The following CEP152 variants were observed in gnomAD, a reference collection of about 807,000 sequenced individuals.
CEP152 encodes the protein centrosomal protein 152.
Under a neutral mutation model 188.9 loss-of-function variants are expected in CEP152, and 132 were observed. The observed-to-expected ratio is 0.70, with a 90% CI of 0.61 to 0.81. The LOEUF (loss-of-function observed/expected upper bound fraction) is 0.81, where lower values mean the gene tolerates loss of function less well. CEP152 is among the 30% of genes least tolerant of loss of function. CEP152 has a pLI of 0.00. For synonymous variants in CEP152, 649 were observed against 666.6 expected (o/e 0.97, Z 0.41); for missense variants, 1,914 against 1,969.8 (o/e 0.97, Z 0.54).
chr15:48,778,408 A>T (rs1389556698), intron 12 of CEP152, among the ~76,000 whole-genome samples: 1 of 152,188 alleles, frequency 6.6e-6, no homozygotes, highest in East Asian at 1.9e-4. Flanking sequence ...ATTTGATCTG[A>T]GTATAATAGC....
chr15:48,733,601 T>C (rs1211496155), downstream of CEP152, among the ~76,000 whole-genome samples: 1 of 151,994 alleles, frequency 6.6e-6, no homozygotes, highest in South Asian at 2.1e-4. Flanking sequence ...AAAAAAATAA[T>C]TGAAGAAATA....
At chr15:48,741,322 A>G (rs1291476301) in intron 26 of CEP152, 1 of 1,216,598 alleles carries the variant, frequency 8.2e-7, no homozygotes, top group African/African-American at 1.6e-5. Flanking sequence ...ACCCACTTAT[A>G]ATTTCTTCTT....
At chr15:48,793,499 C>A in intron 6 of CEP152, 38 bp from the exon 7 acceptor site, 1 of 1,569,472 alleles carries the variant, frequency 6.4e-7, no homozygotes, top group South Asian at 1.1e-5. Flanking sequence ...AAAAACATAC[C>A]AAAATATAAA....
chr15:48,798,248 T>C (rs1897447331), intron 2 of CEP152, among the ~76,000 whole-genome samples, 197 bp from the exon 3 acceptor site: 1 of 149,344 alleles, frequency 6.7e-6, no homozygotes, highest in Non-Finnish European at 1.5e-5. Context: ...ATTTTAGGAT[T>C]TATATCAGAA....
intron 17 of CEP152, among the ~76,000 whole-genome samples, chr15:48,765,435 A>C (rs1264408464): frequency 1.3e-5 from 2 of 151,640 alleles, no homozygotes; most frequent in African/African-American, 4.8e-5. Flanking sequence ...TTTTTTTTGA[A>C]GGATCAAATA....
chr15:48,739,045 C>G lies in CEP152; in HGVS notation c.4337G>C (p.Gly1446Ala). ...SKETHLEFQF[G>A]DGSCKHLNSL... ...GTTTAGGTGCTTGCAACTACCATCC[C>G]CAAACTGGAATTCCAAATGTGTCTC... Residue 1446 changes from glycine (G) to alanine (A), a missense_variant, in exon 27 of 27, where the codon GGG becomes GCG. Gly to Ala is a moderately conservative substitution (Grantham distance 60). Transcript: ENST00000380950. The G allele has an allele frequency of 6.2e-7, 1 of 1,614,136 alleles. No individual in the cohort carries two copies. Among genetic ancestry groups the G allele is most frequent in the Non-Finnish European group, 8.5e-7 (1 of 1,180,010 alleles).
intron 13 of CEP152, among the ~76,000 whole-genome samples, chr15:48,770,446 G>C (rs1439346590): frequency 2.0e-5 from 3 of 152,138 alleles, no homozygotes; most frequent in Non-Finnish European, 4.4e-5. Flanking sequence ...TACAATGCAT[G>C]ACCACTATCT....
At chr15:48,759,215 G>T (rs1894499573) in intron 19 of CEP152, among the ~76,000 whole-genome samples, 1 of 152,028 alleles carries the variant, frequency 6.6e-6, no homozygotes, top group Admixed American at 6.6e-5. Context: ...CCTCAAAACT[G>T]AGTTGTTATT....
intron 8 of CEP152, among the ~76,000 whole-genome samples, chr15:48,789,812 C>T (rs1361427911): frequency 2.0e-5 from 3 of 152,200 alleles, no homozygotes; most frequent in African/African-American, 7.2e-5. Flanking sequence ...TCCCCTAAAG[C>T]CTCCGGAAAG....
intron 18 of CEP152, among the ~76,000 whole-genome samples, 198 bp from the exon 19 acceptor site, chr15:48,760,464 A>G (rs1894600738): frequency 6.6e-6 from 1 of 152,212 alleles, no homozygotes; most frequent in South Asian, 2.1e-4. Context: ...AGCATCCCAT[A>G]CAAATGCAAC....
At chr15:48,785,267 G>GTGAAT (rs1324518331) in intron 9 of CEP152, among the ~76,000 whole-genome samples, 1 of 152,126 alleles carries the variant, frequency 6.6e-6, no homozygotes, top group Admixed American at 6.6e-5. Context: ...AAAAATCCAT[G>GTGAAT]TGAATTTTGT....
intron 21 of CEP152, among the ~76,000 whole-genome samples, chr15:48,748,894 G>C (rs1268763321): frequency 1.3e-5 from 2 of 151,996 alleles, no homozygotes; most frequent in Non-Finnish European, 2.9e-5. Context: ...CTGGATCTTG[G>C]TATTGAATAC....
chr15:48,742,194 A>T (rs1382259581), intron 24 of CEP152, 94 bp from the exon 25 acceptor site: 1 of 1,108,102 alleles, frequency 9.0e-7, no homozygotes, highest in Admixed American at 1.7e-5. Context: ...TTTCTGGTAG[A>T]TGAAGTGATT....
Position 48,793,333 on chromosome 15 carries a change from C to T in CEP152, c.820G>A (p.Val274Ile). 1.2e-6 allele frequency: 2 copies of T among 1,613,926 alleles called. No individual in the cohort carries two copies. Among genetic ancestry groups the T allele is most frequent in the Non-Finnish European group, 1.7e-6 (2 of 1,179,914 alleles). ...RQIRYLNHQLVIIKDEKDGLT... is the reference protein window; with the variant it reads ...RQIRYLNHQLIIIKDEKDGLT... ...TCCAGCATCTTACCTTTTATTATTA[C>T]AAGCTGGTGATTCAGATATCGAATT... The change falls in exon 7 of 27, where the codon GTA becomes ATA. Residue 274 changes from valine (V) to isoleucine (I), a missense_variant. Coordinates refer to ENST00000380950, the MANE Select transcript of CEP152 (RefSeq NM_001194998.2).
At position 48,738,982 on chromosome 15, in the gene CEP152, C is replaced by A; in HGVS notation, c.4400G>T (p.Cys1467Phe). The A allele has an allele frequency of 6.2e-7, 1 of 1,614,088 alleles. No individual in the cohort carries two copies. Among genetic ancestry groups the A allele is most frequent in the Non-Finnish European group, 8.5e-7 (1 of 1,179,974 alleles). The change falls in exon 27 of 27, where the codon TGT becomes TTT. Residue 1467 changes from cysteine to phenylalanine, a missense_variant. Coordinates refer to ENST00000380950, the MANE Select transcript of CEP152 (RefSeq NM_001194998.2). ...CAAACCAAAGCCTCCTTCACCTTCA[C>A]AAGGAACAAACTCAGGAGAAACATT... ...PRNVSPEFVPCEGEGGFGLHK... is the reference protein window; with the variant it reads ...PRNVSPEFVPFEGEGGFGLHK...
At chr15:48,735,751 A>T (rs193250987), downstream of CEP152, among the ~76,000 whole-genome samples, 20 of 152,178 alleles carry the variant, frequency 1.3e-4, no homozygotes, top group South Asian at 4.2e-4. Flanking sequence ...AATAAATTTT[A>T]AAAAAAAGAA....
At chr15:48,743,832 C>T (rs1271849748) in intron 24 of CEP152, among the ~76,000 whole-genome samples, 1 of 151,882 alleles carries the variant, frequency 6.6e-6, no homozygotes, top group African/African-American at 2.4e-5. Flanking sequence ...CACTGCATTC[C>T]AGCCTGGTTG....
intron 24 of CEP152, among the ~76,000 whole-genome samples, chr15:48,742,571 C>T (rs1817068237): frequency 6.6e-6 from 1 of 152,106 alleles, no homozygotes; most frequent in South Asian, 2.1e-4. Context: ...CTCTAGTGCT[C>T]TGAAAATTTA....
At chr15:48,785,861 T>C (rs1341991603) in intron 9 of CEP152, among the ~76,000 whole-genome samples, 1 of 146,352 alleles carries the variant, frequency 6.8e-6, no homozygotes, top group East Asian at 2.0e-4. Flanking sequence ...GATAAAGAGA[T>C]GACGGCTGAA....
Sources: allele counts gnomAD v4.1 joint callset (sites outside exome capture counted in the v4.1 genomes callset), GRCh38; gene constraint gnomAD v4.1.1; transcripts MANE v1.5; gene names NCBI Gene and HGNC (gene_info 2026-07-23, HGNC 2026-07-21).